Variants in SSUH2 observed in about 807,000 individuals in gnomAD.
SSUH2 encodes ssu-2 homolog.
A neutral mutation model predicts 55.3 loss-of-function variants in SSUH2; 47 were observed. The observed-to-expected ratio is 0.85, with a 90% confidence interval of 0.67 to 1.08. The LOEUF is 1.08. SSUH2 is among the 50% of genes least tolerant of loss of function. The pLI is 0.00. For missense variants in SSUH2, 535 were observed against 490.7 expected (o/e 1.09, Z -0.85); for synonymous variants, 212 against 191.5 (o/e 1.11, Z -0.89).
intron 1 of SSUH2, among the ~76,000 whole-genome samples, chr3:8,641,010 T>C (rs1307640876): frequency 1.3e-5 from 2 of 152,232 alleles, no homozygotes; most frequent in Non-Finnish European, 1.5e-5. Context: ...TGTGGCTTCA[T>C]GATACAGACA....
intron 3 of SSUH2, among the ~76,000 whole-genome samples, chr3:8,676,418 C>T (rs1235362022): frequency 6.6e-6 from 1 of 151,208 alleles, no homozygotes; most frequent in African/African-American, 2.4e-5. Flanking sequence ...CATCTTCTTC[C>T]CTCCAGGATC....
chr3:8,654,089 T>C (rs981657304), intron 7 of SSUH2, among the ~76,000 whole-genome samples: 5 of 152,188 alleles, frequency 3.3e-5, no homozygotes, highest in African/African-American at 1.2e-4. Context: ...AATTCCAAGA[T>C]CAGGGTGCCA....
chr3:8,619,921 C>G lies in SSUH2; in HGVS notation c.1075G>C (p.Val359Leu), dbSNP rs768129263. 6.2e-7 allele frequency: 1 copy of G among 1,614,162 alleles called. No individual in the cohort carries two copies. The highest frequency in any genetic ancestry group is 1.7e-5 in the Admixed American group (1 of 60,022). Residue 359 changes from valine (V) to leucine (L), a missense_variant, in exon 12 of 12, where the codon GTG (valine) becomes CTG (leucine). Val to Leu is a conservative substitution (Grantham distance 32). Transcript: ENST00000544814. Reference sequence around the variant, plus strand: ...CGCTCAGGATAGTCCACCGCATACACCTGGTGGTCAGTGCCATAGATGTAG... The same window carrying G: ...CGCTCAGGATAGTCCACCGCATACAGCTGGTGGTCAGTGCCATAGATGTAG... ...VYYIYGTDHQ[V>L]YAVDYPERYC... is the part of the protein sequence containing the mutation.
At chr3:8,679,308 CG>C (rs1705773847) in intron 2 of SSUH2, among the ~76,000 whole-genome samples, 1 of 70,240 alleles carries the variant, frequency 1.4e-5, no homozygotes, top group Non-Finnish European at 3.2e-5. Context: ...CCCCATGAGG[CG>C]GGGACTAAGA....
chr3:8,652,165 C>T (rs1036065622), intron 7 of SSUH2: 4 of 152,304 alleles, frequency 2.6e-5, no homozygotes, highest in African/African-American at 9.7e-5. Flanking sequence ...CACACAGTGT[C>T]CAAAGTGCGA....
At chr3:8,679,496 C>T (rs1301847774) in intron 2 of SSUH2, among the ~76,000 whole-genome samples, 1 of 150,878 alleles carries the variant, frequency 6.6e-6, no homozygotes, top group Non-Finnish European at 1.5e-5. Flanking sequence ...CCCCTATTCC[C>T]CCCCTGGCTT....
chr3:8,681,207 C>G (rs1191934443), intron 1 of SSUH2, among the ~76,000 whole-genome samples: 3 of 147,460 alleles, frequency 2.0e-5, no homozygotes, highest in African/African-American at 4.9e-5. Flanking sequence ...GAGCCAGCCC[C>G]TCTTCCCCCC....
At chr3:8,654,073 G>A (rs1702702245) in intron 7 of SSUH2, among the ~76,000 whole-genome samples, 1 of 152,232 alleles carries the variant, frequency 6.6e-6, no homozygotes, top group Admixed American at 6.5e-5. Context: ...CCATTTGGAT[G>A]GCTGGAATTC....
At chr3:8,654,792 T>G (rs1396772272) in intron 7 of SSUH2, among the ~76,000 whole-genome samples, 1 of 150,786 alleles carries the variant, frequency 6.6e-6, no homozygotes, top group East Asian at 2.0e-4. Context: ...GATCTCAGTG[T>G]GTGGCTTCCC....
intron 7 of SSUH2, among the ~76,000 whole-genome samples, chr3:8,651,668 A>T (rs1210194741): frequency 6.6e-6 from 1 of 152,154 alleles, no homozygotes; most frequent in African/African-American, 2.4e-5. Context: ...ACATAGCCCC[A>T]CTGCAGAGTC....
intron 7 of SSUH2, among the ~76,000 whole-genome samples, chr3:8,651,117 T>C (rs976578399): frequency 6.6e-6 from 1 of 152,234 alleles, no homozygotes; most frequent in African/African-American, 2.4e-5. Flanking sequence ...ATTTGGAATT[T>C]TAAAAGGCCA....
At chr3:8,676,323 C>T (rs1239273196) in intron 3 of SSUH2, among the ~76,000 whole-genome samples, 8 of 152,120 alleles carry the variant, frequency 5.3e-5, no homozygotes, top group East Asian at 2.0e-4. Flanking sequence ...TGCGATATCG[C>T]GTGTCATATC....
intron 2 of SSUH2, among the ~76,000 whole-genome samples, chr3:8,678,929 C>T (rs543155722): frequency 1.8e-5 from 2 of 111,462 alleles, no homozygotes; most frequent in Non-Finnish European, 4.1e-5. Flanking sequence ...GACTGAGAGC[C>T]AGCCACTCTT....
In SSUH2 at chr3:8,623,538, C is replaced by T. The variant is rs1250388715; in HGVS notation, c.981+11G>A. 1.3e-6 allele frequency: 2 copies of T among 1,520,500 alleles called. No homozygotes were observed. Among genetic ancestry groups the T allele is most frequent in the East Asian group, 2.5e-5 (1 of 40,796 alleles). The allele number at this position is 1,520,500 out of a possible 1,614,324, so 94.2% of individuals were successfully genotyped here. On this transcript the variant is annotated intron_variant, in intron 11 of 11. Transcript: ENST00000544814. ...ACGTCAGAGCCAGATGGCCCCTCCGCCCTGGCTCACCTGCTGCAGGACGCG... is the reference window on the plus strand; with the variant it reads ...ACGTCAGAGCCAGATGGCCCCTCCGTCCTGGCTCACCTGCTGCAGGACGCG...
chr3:8,635,894 G>T (rs1432521840), intron 1 of SSUH2, 37 bp from the exon 2 acceptor site: 1 of 1,519,814 alleles, frequency 6.6e-7, no homozygotes, highest in Admixed American at 2.0e-5. Context: ...CTTGGGTAGG[G>T]AGGCGAGGGC....
chr3:8,660,038 A>G (rs1171067505), intron 6 of SSUH2, among the ~76,000 whole-genome samples: 1 of 152,184 alleles, frequency 6.6e-6, no homozygotes, highest in Non-Finnish European at 1.5e-5. Flanking sequence ...CCCATCAGCC[A>G]CTGTACCACT....
intron 7 of SSUH2, 91 bp downstream of exon 7, chr3:8,629,573 G>A (rs954213893): frequency 9.9e-6 from 11 of 1,108,318 alleles, no homozygotes; most frequent in African/African-American, 1.5e-5. Flanking sequence ...TTACTGCAGG[G>A]AGCCTCAGGC....
At chr3:8,679,413 T>TCC (rs549247180) in intron 2 of SSUH2, among the ~76,000 whole-genome samples, 1 of 121,188 alleles carries the variant, frequency 8.3e-6, no homozygotes, top group Admixed American at 8.2e-5. Context: ...CAGCCCCTCT[T>TCC]CCCCCCCTGG....
Position 8,660,323 on chromosome 3 carries a change from G to A in SSUH2, c.-395-1310C>T, listed in dbSNP as rs1292076410. Among the ~76,000 whole-genome samples the A allele has an allele frequency of 1.3e-5, 2 of 151,496 alleles. 1 individual carries two copies. Among genetic ancestry groups the A allele is most frequent in the Admixed American group, 1.3e-4 (2 of 15,246 alleles). ...AGCCCAAGGCAACCTTGCAGGCCAG[G>A]AGCCAAGATCAACACCCTGACCTCA... is the stretch of plus-strand genomic sequence containing the variant. On this transcript the variant is annotated intron_variant, in intron 6 of 18. Transcript: ENST00000317371.
Sources: allele counts gnomAD v4.1 joint callset (sites outside exome capture counted in the v4.1 genomes callset), GRCh38; gene constraint gnomAD v4.1.1; transcripts MANE v1.5; gene names NCBI Gene and HGNC (gene_info 2026-07-23, HGNC 2026-07-21).